Variants in ROR2 observed in about 807,000 individuals in gnomAD.
ROR2 encodes tyrosine-protein kinase transmembrane receptor ROR2.
Under a neutral mutation model 74.9 loss-of-function variants are expected in ROR2, and 33 were observed. The observed-to-expected ratio is 0.44, with a 90% CI of 0.33 to 0.59. ROR2 has a LOEUF of 0.59. ROR2 is among the 20% of genes least tolerant of loss of function. ROR2 has a pLI of 0.02. For synonymous variants in ROR2, 586 were observed against 558.7 expected, an observed-to-expected ratio of 1.05 and a Z score of -0.69; for missense variants, 1,216 against 1,313.8, an observed-to-expected ratio of 0.93 and a Z score of 1.15.
At chr9:91,855,600 G>T (rs570559742) in intron 1 of ROR2, among the ~76,000 whole-genome samples, 19 of 149,480 alleles carry the variant, frequency 1.3e-4, no homozygotes, top group African/African-American at 4.9e-4. Flanking sequence ...GGGACACCCA[G>T]GGGCAATCAG....
chr9:91,785,433 G>A (rs1044884886), intron 1 of ROR2, among the ~76,000 whole-genome samples: 2 of 152,202 alleles, frequency 1.3e-5, no homozygotes, highest in African/African-American at 4.8e-5. Context: ...ACATGCATCT[G>A]GTTCACCATC....
At chr9:91,782,245 G>C (rs1308987395) in intron 1 of ROR2, among the ~76,000 whole-genome samples, 3 of 152,228 alleles carry the variant, frequency 2.0e-5, no homozygotes. Context: ...GGAGCAAACA[G>C]AAATGCTAAG....
chr9:91,903,555 C>T (rs1457950109), intron 1 of ROR2, among the ~76,000 whole-genome samples: 1 of 151,996 alleles, frequency 6.6e-6, no homozygotes, highest in Non-Finnish European at 1.5e-5. Flanking sequence ...AAGGCAGACA[C>T]TTCTGGAACA....
chr9:91,752,960 T>C (rs995636033), intron 4 of ROR2, among the ~76,000 whole-genome samples: 2 of 152,184 alleles, frequency 1.3e-5, no homozygotes, highest in African/African-American at 4.8e-5. Context: ...GAGCCCACTA[T>C]AAAATTCTTT....
At chr9:91,925,462 C>CTGTGTG (rs1224637296) in intron 1 of ROR2, among the ~76,000 whole-genome samples, 34 of 126,158 alleles carry the variant, frequency 2.7e-4, no homozygotes, top group African/African-American at 1.1e-3. Context: ...TGTCAGCTGC[C>CTGTGTG]TGTATGTGTG....
chr9:91,806,849 A>G (rs987390364), intron 1 of ROR2, among the ~76,000 whole-genome samples: 1 of 152,194 alleles, frequency 6.6e-6, no homozygotes, highest in Non-Finnish European at 1.5e-5. Flanking sequence ...TCGGCCACCC[A>G]AAGTGCTGGG....
chr9:91,748,900 G>A (rs1414085108), intron 4 of ROR2, among the ~76,000 whole-genome samples: 45 of 152,116 alleles, frequency 3.0e-4, no homozygotes, highest in Admixed American at 1.2e-3. Flanking sequence ...GGTGGCAGGC[G>A]CCTGTAATCC....
chr9:91,732,077 G>A (rs1048183532), intron 6 of ROR2, among the ~76,000 whole-genome samples: 1 of 152,124 alleles, frequency 6.6e-6, no homozygotes, highest in Non-Finnish European at 1.5e-5. Context: ...TGCAGGCAAC[G>A]GGCCCAAGGA....
chr9:91,839,251 G>T (rs67304294), intron 1 of ROR2, among the ~76,000 whole-genome samples: 23,624 of 107,150 alleles, frequency 0.22, 3,587 homozygotes, highest in African/African-American at 0.48. Context: ...TCAGATCGGG[G>T]GTGTGTGTGT....
At chr9:91,828,784 GC>G (rs1398708242) in intron 1 of ROR2, among the ~76,000 whole-genome samples, 25 of 152,106 alleles carry the variant, frequency 1.6e-4, no homozygotes, top group African/African-American at 6.0e-4. Context: ...CCATTAGCTC[GC>G]CCCTTGTTTC....
intron 1 of ROR2, among the ~76,000 whole-genome samples, chr9:91,882,777 A>AC (rs1830153952): frequency 6.6e-6 from 1 of 152,160 alleles, no homozygotes; most frequent in Non-Finnish European, 1.5e-5. Flanking sequence ...ACTCAGACAC[A>AC]GAGAGGTGCC....
intron 1 of ROR2, among the ~76,000 whole-genome samples, chr9:91,851,841 T>C (rs7854283): frequency 0.015 from 2,232 of 152,006 alleles, 61 homozygotes; most frequent in African/African-American, 0.051. Context: ...CCGGATGTGG[T>C]AGTGCGCGCC....
At chr9:91,753,084 C>T (rs921847896) in intron 4 of ROR2, among the ~76,000 whole-genome samples, 5 of 152,096 alleles carry the variant, frequency 3.3e-5, no homozygotes, top group African/African-American at 1.2e-4. Flanking sequence ...TAATTCTCAC[C>T]AAACTGACCT....
At chr9:91,757,739 ATAC>A (rs1825806296) in intron 2 of ROR2, among the ~76,000 whole-genome samples, 180 bp from the exon 3 acceptor site, 1 of 152,148 alleles carries the variant, frequency 6.6e-6, no homozygotes, top group Non-Finnish European at 1.5e-5. Context: ...GAATTAGTGA[ATAC>A]TGAACCACTG....
rs184836061 is a variant in ROR2, at chr9:91,776,897, C to T, written c.98-1079G>A. On this transcript the variant is annotated intron_variant, in intron 1 of 8. Coordinates refer to ENST00000375708, the MANE Select transcript of ROR2 (RefSeq NM_004560.4). ...CTGAAACACTCAAATAAATACATAC[C>T]CCAAAGAAAAATAAGCTTCACTAGC... 3.3e-5 allele frequency among the ~76,000 whole-genome samples: 5 copies of T among 152,106 alleles called. No homozygotes were observed. The East Asian group carries it at 5.8e-4, about 18-fold the overall frequency.
chr9:91,877,852 A>G (rs1046731094), intron 1 of ROR2, among the ~76,000 whole-genome samples: 2 of 152,230 alleles, frequency 1.3e-5, no homozygotes, highest in African/African-American at 2.4e-5. Context: ...TCAGGCTTAT[A>G]ATTAGATTAC....
At chr9:91,898,323 G>A (rs1830590556) in intron 1 of ROR2, among the ~76,000 whole-genome samples, 1 of 152,138 alleles carries the variant, frequency 6.6e-6, no homozygotes, top group African/African-American at 2.4e-5. Context: ...CATGTGGCTG[G>A]CACTGTGCTT....
At chr9:91,824,238 C>A (rs372821811) in intron 1 of ROR2, among the ~76,000 whole-genome samples, 1 of 152,196 alleles carries the variant, frequency 6.6e-6, no homozygotes, top group Non-Finnish European at 1.5e-5. Context: ...CTCAGAGCCA[C>A]AAGGAAATGA....
intron 1 of ROR2, among the ~76,000 whole-genome samples, chr9:91,826,732 T>C (rs1828302459): frequency 2.0e-5 from 3 of 148,456 alleles, no homozygotes; most frequent in Admixed American, 1.4e-4. Flanking sequence ...TGCAGTGAGC[T>C]GAGATCGCGC....
Sources: gnomAD v4.1 joint callset for allele counts (sites outside exome capture counted in the v4.1 genomes callset) on GRCh38, gnomAD v4.1.1 for gene constraint, MANE v1.5 for transcripts, NCBI Gene and HGNC (gene_info 2026-07-23, HGNC 2026-07-21) for gene names.